Variants in CPXM2 observed in about 807,000 individuals in gnomAD.
CPXM2 encodes the protein inactive carboxypeptidase-like protein X2.
CPXM2 carries 66 observed loss-of-function variants against 86.1 expected under a neutral mutation model. The observed-to-expected ratio is 0.77, with a 90% CI of 0.63 to 0.94. The LOEUF is 0.94. CPXM2 is among the 40% of genes least tolerant of loss of function. CPXM2 has a pLI of 0.00. For missense variants in CPXM2, 948 were observed against 1,026.3 expected (o/e 0.92, Z 1.04); for synonymous variants, 388 against 400.2 (o/e 0.97, Z 0.36).
chr10:123,884,407 C>T (rs552550961), intron 1 of CPXM2, among the ~76,000 whole-genome samples: 107 of 152,272 alleles, frequency 7.0e-4, no homozygotes, highest in Admixed American at 2.3e-3. Context: ...CAGTGAGAAA[C>T]GCCTGCTCTG....
chr10:123,935,635 G>A (rs1384553238), intron 2 of CPXM2, among the ~76,000 whole-genome samples: 2 of 152,204 alleles, frequency 1.3e-5, no homozygotes. Context: ...AAAAGCTGGT[G>A]TAGTGGGTAG....
intron 4 of CPXM2, among the ~76,000 whole-genome samples, chr10:123,839,432 T>G (rs1848340856): frequency 6.6e-6 from 1 of 152,196 alleles, no homozygotes; most frequent in Non-Finnish European, 1.5e-5. Context: ...TTGTCAACTC[T>G]TTACTTCATA....
At chr10:123,930,311 G>A (rs76202505) in intron 2 of CPXM2, among the ~76,000 whole-genome samples, 6 of 152,310 alleles carry the variant, frequency 3.9e-5, no homozygotes, top group East Asian at 1.9e-4. Flanking sequence ...TTTGCTCCCC[G>A]CAGCACCATC....
intron 4 of CPXM2, among the ~76,000 whole-genome samples, chr10:123,824,212 A>G (rs1192129129): frequency 1.3e-5 from 2 of 152,228 alleles, no homozygotes; most frequent in Non-Finnish European, 2.9e-5. Context: ...TTTGCTTTTT[A>G]CTTTCCATTG....
intron 4 of CPXM2, among the ~76,000 whole-genome samples, chr10:123,803,812 C>T (rs1847517515): frequency 6.6e-6 from 1 of 152,120 alleles, no homozygotes; most frequent in Non-Finnish European, 1.5e-5. Context: ...CAGGCACGTG[C>T]CACCACGCCC....
intron 2 of CPXM2, among the ~76,000 whole-genome samples, chr10:123,871,230 C>T (rs1944890851): frequency 6.6e-6 from 1 of 152,214 alleles, no homozygotes; most frequent in African/African-American, 2.4e-5. Context: ...GAAAAGTCCA[C>T]ACTGTTACCA....
At chr10:123,929,056 G>A (rs1354301216) in intron 2 of CPXM2, among the ~76,000 whole-genome samples, 1 of 152,218 alleles carries the variant, frequency 6.6e-6, no homozygotes, top group Non-Finnish European at 1.5e-5. Flanking sequence ...GTCCAGGACA[G>A]GGAATCCTGG....
Position 123,891,306 on chromosome 10 carries a change from G to A in CPXM2, c.304+50C>T, listed in dbSNP as rs376226628. The A allele has an allele frequency of 5.0e-6, 7 of 1,408,894 alleles. No homozygotes were observed. The highest frequency in any genetic ancestry group is 1.5e-5 in the South Asian group (1 of 67,288). 87.3% of individuals were successfully genotyped at this position (1,408,894 alleles called of 1,614,324 possible). A position where few individuals can be genotyped will look rare whatever the true frequency, so the allele number is the denominator to read the frequency against. On this transcript the variant is annotated intron_variant, in intron 1 of 13. Coordinates refer to ENST00000241305, the MANE Select transcript of CPXM2 (RefSeq NM_198148.3). The surrounding 1 kb of genome is among the most constrained non-coding windows in gnomAD (Gnocchi z 5.6). ...GAGAAGCCAGTTGTCCCCTGGAGGC[G>A]CGCAACCACCGGCGCCCCCTCGGGC...
At chr10:123,834,632 A>C (rs922261835) in intron 4 of CPXM2, among the ~76,000 whole-genome samples, 1 of 152,200 alleles carries the variant, frequency 6.6e-6, no homozygotes, top group African/African-American at 2.4e-5. Context: ...GAATGACATC[A>C]GATGGGCAGT....
At chr10:123,930,719 A>C (rs1945660674) in intron 2 of CPXM2, among the ~76,000 whole-genome samples, 1 of 152,240 alleles carries the variant, frequency 6.6e-6, no homozygotes, top group African/African-American at 2.4e-5. Flanking sequence ...GTTACGGTTA[A>C]AGCAGGAAAA....
In CPXM2 at chr10:123,880,323, G is replaced by A; in HGVS notation, c.305-14C>T. The A allele has an allele frequency of 8.7e-7, 1 of 1,152,426 alleles. No individual in the cohort carries two copies. Among genetic ancestry groups the A allele is most frequent in the South Asian group, 1.2e-5 (1 of 81,752 alleles). 71.4% of individuals were successfully genotyped at this position (1,152,426 alleles called of 1,614,324 possible). A position where few individuals can be genotyped will look rare whatever the true frequency, so the allele number is the denominator to read the frequency against. ...TGCTGTGTTTACCTAAAGGGGGAGAGAGAGATGCCTTTACTTTCACATACA... is the reference window on the plus strand; with the variant it reads ...TGCTGTGTTTACCTAAAGGGGGAGAAAGAGATGCCTTTACTTTCACATACA... On this transcript the variant is annotated splice_polypyrimidine_tract_variant and intron_variant, in intron 1 of 13. Coordinates refer to ENST00000241305, the MANE Select transcript of CPXM2 (RefSeq NM_198148.3).
At chr10:123,764,789 TTC>T (rs1399455465) in intron 10 of CPXM2, among the ~76,000 whole-genome samples, 3 of 152,144 alleles carry the variant, frequency 2.0e-5, no homozygotes, top group East Asian at 3.8e-4. Flanking sequence ...TTTGGGTTTC[TTC>T]TGTTATTAAT....
intron 4 of CPXM2, among the ~76,000 whole-genome samples, chr10:123,816,060 C>T (rs1847807457): frequency 6.6e-6 from 1 of 152,192 alleles, no homozygotes; most frequent in Non-Finnish European, 1.5e-5. Flanking sequence ...AATGTCTGAT[C>T]TCCCTTGGTC....
At chr10:123,843,519 C>T (rs1405566617) in intron 3 of CPXM2, among the ~76,000 whole-genome samples, 2 of 150,430 alleles carry the variant, frequency 1.3e-5, no homozygotes, top group Admixed American at 6.6e-5. Flanking sequence ...CTGCAAGCTC[C>T]GCCTCCCGGG....
intron 4 of CPXM2, among the ~76,000 whole-genome samples, chr10:123,819,610 A>G (rs1023029631): frequency 6.6e-6 from 1 of 152,136 alleles, no homozygotes; most frequent in Non-Finnish European, 1.5e-5. Flanking sequence ...TATTGACTTC[A>G]TATCAGCATT....
chr10:123,902,564 G>C (rs1945393955), intron 2 of CPXM2, among the ~76,000 whole-genome samples: 1 of 152,166 alleles, frequency 6.6e-6, no homozygotes, highest in Non-Finnish European at 1.5e-5. Flanking sequence ...GCAAGATACT[G>C]GCAGATTCGG....
chr10:123,794,096 G>A (rs569534372), intron 6 of CPXM2, among the ~76,000 whole-genome samples: 5 of 152,328 alleles, frequency 3.3e-5, no homozygotes, highest in South Asian at 4.1e-4. Flanking sequence ...GCTCTTGGCC[G>A]ACTTGGAGGA....
chr10:123,750,223 A>G, intron 13 of CPXM2: 1 of 985,386 alleles, frequency 1.0e-6, no homozygotes, highest in Non-Finnish European at 1.2e-6. Flanking sequence ...GAGGAGAAAT[A>G]GACAAGCAGG....
At chr10:123,882,447 C>T (rs1249809610) in intron 1 of CPXM2, among the ~76,000 whole-genome samples, 1 of 152,098 alleles carries the variant, frequency 6.6e-6, no homozygotes, top group East Asian at 1.9e-4. Flanking sequence ...GACCAGGGCT[C>T]TGTAAAGGCC....
Sources: gnomAD v4.1 joint callset for allele counts (sites outside exome capture counted in the v4.1 genomes callset) on GRCh38, gnomAD v4.1.1 for gene constraint, Gnocchi (gnomAD v3.1) non-coding constraint, MANE v1.5 for transcripts, NCBI Gene and HGNC (gene_info 2026-07-23, HGNC 2026-07-21) for gene names.